Variants in DIAPH2 observed in about 807,000 individuals in gnomAD.
The protein encoded by DIAPH2 is protein diaphanous homolog 2.
Under a neutral mutation model 92.7 loss-of-function variants are expected in DIAPH2, and 35 were observed. That is an observed-to-expected ratio of 0.38 (90% CI 0.29 to 0.50). The LOEUF (loss-of-function observed/expected upper bound fraction) is 0.50, where lower values mean the gene tolerates loss of function less well. DIAPH2 is among the 20% of genes least tolerant of loss of function. DIAPH2 has a pLI of 0.94. For synonymous variants in DIAPH2, 301 were observed against 280.4 expected (o/e 1.07, Z -0.73); for missense variants, 701 against 819.5 (o/e 0.86, Z 1.77).
chrX:97,380,746 T>C (rs2069543936), intron 24 of DIAPH2, among the ~76,000 whole-genome samples: 1 of 111,437 alleles, frequency 9.0e-6, no homozygotes, highest in Non-Finnish European at 1.9e-5. Flanking sequence ...AAGAGGAATA[T>C]GTTATTCTTT....
chrX:97,533,217 G>A (rs922845659), intron 26 of DIAPH2: 6 of 110,962 alleles, frequency 5.4e-5, no homozygotes, highest in Non-Finnish European at 1.1e-4. Context: ...GGTAACAATA[G>A]CAAAGTTACC....
At chrX:97,029,211 A>G (rs2066356307) in intron 17 of DIAPH2, among the ~76,000 whole-genome samples, 1 of 106,330 alleles carries the variant, frequency 9.4e-6, no homozygotes, top group Admixed American at 1.0e-4. Flanking sequence ...GCAGTGGCAC[A>G]ACCTTGGCTC....
intron 17 of DIAPH2, among the ~76,000 whole-genome samples, chrX:96,986,482 A>G (rs901602484): frequency 9.0e-6 from 1 of 111,618 alleles, no homozygotes; most frequent in Non-Finnish European, 1.9e-5. Flanking sequence ...GGACCAACCA[A>G]CTTTCCATGT....
chrX:96,823,028 C>T (rs2064788790), intron 4 of DIAPH2, among the ~76,000 whole-genome samples: 1 of 111,026 alleles, frequency 9.0e-6, no homozygotes, highest in African/African-American at 3.3e-5. Context: ...GCCTAATTAG[C>T]AATAGAAGAA....
chrX:96,814,961 G>C (rs936158551), intron 4 of DIAPH2, among the ~76,000 whole-genome samples: 22 of 111,954 alleles, frequency 2.0e-4, no homozygotes, highest in Admixed American at 5.7e-4. Flanking sequence ...ACTCGGAGCT[G>C]TCTCCCAGTT....
intron 21 of DIAPH2, among the ~76,000 whole-genome samples, chrX:97,117,673 A>G (rs768636623): frequency 1.8e-5 from 2 of 112,324 alleles, no homozygotes; most frequent in African/African-American, 6.4e-5. Context: ...TAATATAAAA[A>G]TTTCAGATGG....
intron 23 of DIAPH2, among the ~76,000 whole-genome samples, chrX:97,344,812 TG>T (rs754408474): frequency 8.9e-6 from 1 of 112,604 alleles, no homozygotes; most frequent in Admixed American, 9.4e-5. Flanking sequence ...TTATGATAAA[TG>T]GGGAACATAC....
intron 26 of DIAPH2, among the ~76,000 whole-genome samples, chrX:97,511,772 G>A (rs1192955408): frequency 9.0e-6 from 1 of 110,830 alleles, no homozygotes; most frequent in Non-Finnish European, 1.9e-5. Flanking sequence ...ATAATCATGT[G>A]GTTTTTGTCT....
chrX:96,835,707 G>A (rs1418360873), intron 4 of DIAPH2, among the ~76,000 whole-genome samples: 1 of 112,332 alleles, frequency 8.9e-6, no homozygotes, highest in Non-Finnish European at 1.9e-5. Flanking sequence ...TGCTATTTAT[G>A]TACAAATGCA....
At chrX:96,893,626 A>G (rs2065321973) in intron 5 of DIAPH2, among the ~76,000 whole-genome samples, 2 of 112,131 alleles carry the variant, frequency 1.8e-5, no homozygotes, top group Non-Finnish European at 3.8e-5. Flanking sequence ...CAAGGTTATG[A>G]TATTTCTACA....
chrX:97,410,325 C>T (rs1193319802), intron 25 of DIAPH2, among the ~76,000 whole-genome samples: 1 of 111,801 alleles, frequency 8.9e-6, no homozygotes, highest in African/African-American at 3.3e-5. Flanking sequence ...GGACCTGACT[C>T]GTAGAAGGAA....
At chrX:97,265,466 G>T (rs778293441) in intron 23 of DIAPH2, among the ~76,000 whole-genome samples, 1 of 111,718 alleles carries the variant, frequency 9.0e-6, no homozygotes, top group African/African-American at 3.3e-5. Flanking sequence ...TGTGCTAAGT[G>T]CTATGGAAGG....
At chrX:97,472,630 CAT>C (rs747562069) in intron 26 of DIAPH2, among the ~76,000 whole-genome samples, 19 of 111,946 alleles carry the variant, frequency 1.7e-4, no homozygotes, top group Non-Finnish European at 2.8e-4. Flanking sequence ...TGAGAATTGA[CAT>C]AATTTTTTAA....
chrX:97,097,950 T>A (rs765127980), intron 19 of DIAPH2, among the ~76,000 whole-genome samples: 1 of 112,291 alleles, frequency 8.9e-6, no homozygotes, highest in East Asian at 2.8e-4. Context: ...ATTTCAGTAT[T>A]CATATATGTG....
At chrX:97,414,914 C>T (rs1369436610) in intron 25 of DIAPH2, among the ~76,000 whole-genome samples, 1 of 111,354 alleles carries the variant, frequency 9.0e-6, no homozygotes, top group African/African-American at 3.3e-5. Context: ...TCAGAGTGAA[C>T]AGGCAAGCTA....
At chrX:97,507,730 CT>C (rs1369262823) in intron 26 of DIAPH2, among the ~76,000 whole-genome samples, 2 of 111,820 alleles carry the variant, frequency 1.8e-5, no homozygotes, top group Non-Finnish European at 3.8e-5. Context: ...AACGACAAAT[CT>C]TTTGCATTAG....
rs778816135 is a variant in DIAPH2 at position 96,830,619 on chromosome X, T to TA, written c.448-50954dup. 5.1e-4 allele frequency among the ~76,000 whole-genome samples: 43 copies of TA among 84,443 alleles called. 1 individual carries two copies. The East Asian group carries it at 9.0e-3, about 18-fold the overall frequency. 73.3% of individuals were successfully genotyped at this position (84,443 alleles called of 115,157 possible). A position where few individuals can be genotyped will look rare whatever the true frequency, so the allele number is the denominator to read the frequency against. Reference sequence around the variant, plus strand: ...AAAATGAGCAAATGAAAACCCCTATTAAAAAAGTGGCAGAGCCCCTGAAAA... The same window carrying TA: ...AAAATGAGCAAATGAAAACCCCTATTAAAAAAAGTGGCAGAGCCCCTGAAAA... On this transcript the variant is annotated intron_variant, in intron 4 of 26. Coordinates refer to ENST00000324765, the MANE Select transcript of DIAPH2 (RefSeq NM_006729.5).
At chrX:96,896,136 G>T (rs1487518571) in intron 5 of DIAPH2, among the ~76,000 whole-genome samples, 1 of 111,361 alleles carries the variant, frequency 9.0e-6, no homozygotes, top group South Asian at 3.8e-4. Flanking sequence ...CAGAAAGAAA[G>T]TATATTTTTT....
intron 13 of DIAPH2, among the ~76,000 whole-genome samples, chrX:96,943,157 A>G (rs2065716467): frequency 9.1e-6 from 1 of 110,359 alleles, no homozygotes; most frequent in African/African-American, 3.3e-5. Flanking sequence ...GGAACTTTAT[A>G]TTATGAGAGT....
Sources: gnomAD v4.1 joint callset for allele counts (sites outside exome capture counted in the v4.1 genomes callset) on GRCh38, gnomAD v4.1.1 for gene constraint, MANE v1.5 for transcripts, NCBI Gene and HGNC (gene_info 2026-07-23, HGNC 2026-07-21) for gene names.